Variants in ATXN7 observed in about 807,000 individuals in gnomAD.
The protein encoded by ATXN7 is ataxin 7, also known as ataxin-7.
A neutral mutation model predicts 70.5 loss-of-function variants in ATXN7; 12 were observed. The ratio of observed to expected loss-of-function variants is 0.17; its 90% CI spans 0.11 to 0.28. The LOEUF is 0.28. Ranked by LOEUF, ATXN7 falls within the 10% of genes least tolerant of loss-of-function variation. The pLI is 1.00. For synonymous variants in ATXN7, 498 were observed against 448.7 expected, an observed-to-expected ratio of 1.11 and a Z score of -1.39; for missense variants, 1,256 against 1,131.7, an observed-to-expected ratio of 1.11 and a Z score of -1.58.
At chr3:63,973,614 G>A (rs1162092523) in intron 5 of ATXN7, among the ~76,000 whole-genome samples, 1 of 152,166 alleles carries the variant, frequency 6.6e-6, no homozygotes, top group East Asian at 1.9e-4. Context: ...GTGTGCCGCA[G>A]CTTGCCTGTG....
chr3:63,920,524 G>A (rs1704468574), intron 4 of ATXN7, among the ~76,000 whole-genome samples: 1 of 152,138 alleles, frequency 6.6e-6, no homozygotes, highest in African/African-American at 2.4e-5. Context: ...ATGAGCTTGA[G>A]CAGGTCACCC....
Position 63,998,367 on chromosome 3 carries a change from TATGTATACACAC to T in ATXN7, c.2662-1081_2662-1070del, listed in dbSNP as rs1050060081. The T allele has an allele frequency of 4.1e-6, 4 of 985,192 alleles. No homozygotes were observed. The African/African-American group carries it at 5.2e-5, about 13-fold the overall frequency. 61.0% of individuals were successfully genotyped at this position (985,192 alleles called of 1,614,324 possible). ...AGATATATGTGTGTGTGTATATATATATGTATACACACACGTATACACACACACTTTTTTTTC... is the reference window on the plus strand; with the variant it reads ...AGATATATGTGTGTGTGTATATATATACGTATACACACACACTTTTTTTTC... On this transcript the variant is annotated intron_variant, in intron 12 of 12. Transcript: ENST00000674280.
intron 1 of ATXN7, among the ~76,000 whole-genome samples, chr3:63,879,761 AG>A (rs1339932752): frequency 6.6e-6 from 1 of 152,044 alleles, no homozygotes; most frequent in Non-Finnish European, 1.5e-5. Flanking sequence ...ATTAGCAAAA[AG>A]ATTCTTATTC....
At chr3:63,935,276 G>A (rs2074639036) in intron 4 of ATXN7, among the ~76,000 whole-genome samples, 1 of 152,182 alleles carries the variant, frequency 6.6e-6, no homozygotes, top group Non-Finnish European at 1.5e-5. Flanking sequence ...ACCAAGGGGA[G>A]CACTGTCTCC....
intron 4 of ATXN7, among the ~76,000 whole-genome samples, chr3:63,923,333 G>A (rs1186892099): frequency 1.3e-5 from 2 of 152,158 alleles, no homozygotes; most frequent in Admixed American, 1.3e-4. Context: ...AAATCAGATG[G>A]AGCCCCAGCC....
Position 63,922,764 on chromosome 3 carries a change from C to T in ATXN7, c.394+9539C>T, listed in dbSNP as rs1049727823. ...TCCAATTTAACTTAGCAGTTCTTCACTTAAATTACCTTGTTCTTTTTGGAA... is the reference window on the plus strand; with the variant it reads ...TCCAATTTAACTTAGCAGTTCTTCATTTAAATTACCTTGTTCTTTTTGGAA... On this transcript the variant is annotated intron_variant, in intron 4 of 12. Transcript: ENST00000674280. 1.5e-4 allele frequency among the ~76,000 whole-genome samples: 23 copies of T among 152,130 alleles called. No individual in the cohort carries two copies. The South Asian group carries it at 2.3e-3, about 15-fold the overall frequency.
intron 4 of ATXN7, among the ~76,000 whole-genome samples, chr3:63,947,458 C>T (rs1473917036): frequency 6.6e-6 from 1 of 152,022 alleles, no homozygotes; most frequent in Non-Finnish European, 1.5e-5. Context: ...CGTGGTGGTG[C>T]ACACCTGTGA....
chr3:63,926,303 G>A (rs1479177473), intron 4 of ATXN7, among the ~76,000 whole-genome samples: 1 of 152,166 alleles, frequency 6.6e-6, no homozygotes, highest in Non-Finnish European at 1.5e-5. Context: ...TATGGCAGGT[G>A]GTAAGGGGTG....
intron 4 of ATXN7, among the ~76,000 whole-genome samples, chr3:63,941,978 G>A (rs763125719): frequency 5.9e-5 from 9 of 152,258 alleles, no homozygotes; most frequent in South Asian, 4.1e-4. Flanking sequence ...AACCTGTTAC[G>A]TGGAGACCAG....
chr3:63,990,121 G>A, intron 9 of ATXN7, 55 bp from the exon 10 acceptor site: 2 of 1,556,244 alleles, frequency 1.3e-6, no homozygotes, highest in Non-Finnish European at 8.8e-7. Flanking sequence ...CTCAGTTAAG[G>A]TGGCTGATTC....
At chr3:63,901,394 G>A (rs1313601611) in intron 2 of ATXN7, 4 of 152,086 alleles carry the variant, frequency 2.6e-5, no homozygotes, top group African/African-American at 9.7e-5. Flanking sequence ...TGTACCTTTT[G>A]ACTAACTTTC....
chr3:63,932,330 G>A (rs961293441), intron 4 of ATXN7, among the ~76,000 whole-genome samples: 1 of 152,184 alleles, frequency 6.6e-6, no homozygotes, highest in African/African-American at 2.4e-5. Context: ...AGGCCAGGCT[G>A]AGAAGATGAA....
Position 63,909,649 on chromosome 3 carries a change from CT to C in ATXN7, c.-11-2932del, listed in dbSNP as rs569024653. ...GCAGTGTGTCAGCTTGCTGTTTTGACTTTTTTTGGTGACTCATTCCAACTTT... is the reference window on the plus strand; with the variant it reads ...GCAGTGTGTCAGCTTGCTGTTTTGACTTTTTTGGTGACTCATTCCAACTTT... On this transcript the variant is annotated intron_variant, in intron 2 of 12. Coordinates refer to ENST00000674280, the MANE Select transcript of ATXN7 (RefSeq NM_001377405.1). 2.0e-3 allele frequency among the ~76,000 whole-genome samples: 306 copies of C among 152,200 alleles called. 1 individual carries two copies. Among genetic ancestry groups the C allele is most frequent in the African/African-American group, 6.9e-3 (288 of 41,524 alleles).
At chr3:63,899,894 C>T (rs1348932019) in intron 2 of ATXN7, among the ~76,000 whole-genome samples, 1 of 152,030 alleles carries the variant, frequency 6.6e-6, no homozygotes, top group Non-Finnish European at 1.5e-5. Context: ...TGGGATTACA[C>T]GCGTGAGCCA....
intron 4 of ATXN7, among the ~76,000 whole-genome samples, chr3:63,921,576 G>A (rs368661232): frequency 3.3e-5 from 5 of 152,142 alleles, no homozygotes; most frequent in East Asian, 1.9e-4. Context: ...TTCCAAAAGC[G>A]TGTTCCAGGG....
Position 63,949,505 on chromosome 3 carries a change from T to C in ATXN7, c.395-2874T>C, listed in dbSNP as rs373257036. Among the ~76,000 whole-genome samples the C allele has an allele frequency of 2.4e-4, 37 of 152,208 alleles. 1 individual carries two copies. Among genetic ancestry groups the C allele is most frequent in the African/African-American group, 8.7e-4 (36 of 41,516 alleles). ...CCTCCACCTCCCAGGTTCAAGTGAT[T>C]CTCCTGCCTCAGCCTCCTGAGTAGC... is the stretch of plus-strand genomic sequence containing the variant. On this transcript the variant is annotated intron_variant, in intron 4 of 12. Coordinates refer to ENST00000674280, the MANE Select transcript of ATXN7 (RefSeq NM_001377405.1).
intron 4 of ATXN7, among the ~76,000 whole-genome samples, chr3:63,918,932 C>T (rs1396920126): frequency 1.3e-5 from 2 of 152,122 alleles, no homozygotes; most frequent in East Asian, 3.9e-4. Context: ...TGAGAATCAG[C>T]GTGGCCGTGA....
intron 9 of ATXN7, 183 bp downstream of exon 9, chr3:63,988,507 G>A: frequency 1.3e-6 from 1 of 783,304 alleles, no homozygotes; most frequent in South Asian, 1.9e-5. Flanking sequence ...TTCAACCAGG[G>A]CTCCTCTTGG....
chr3:63,935,865 C>G (rs2074653476), intron 4 of ATXN7, among the ~76,000 whole-genome samples: 1 of 151,976 alleles, frequency 6.6e-6, no homozygotes. Context: ...ACAGCACAAA[C>G]TAATGTCCAG....
Sources: gnomAD v4.1 joint callset for allele counts (sites outside exome capture counted in the v4.1 genomes callset) on GRCh38, gnomAD v4.1.1 for gene constraint, MANE v1.5 for transcripts, NCBI Gene and HGNC (gene_info 2026-07-23, HGNC 2026-07-21) for gene names.